Variants in DLG2 observed in about 807,000 individuals in gnomAD.
DLG2 encodes disks large homolog 2.
DLG2 carries 45 observed loss-of-function variants against 132.5 expected under a neutral mutation model. The ratio of observed to expected loss-of-function variants is 0.34; its 90% CI spans 0.27 to 0.44. DLG2 has a LOEUF of 0.44. DLG2 is among the 20% of genes least tolerant of loss of function. The pLI, the probability that DLG2 is intolerant of heterozygous loss-of-function variation, is 1.00. For missense variants in DLG2, 1,045 were observed against 1,196.9 expected (o/e 0.87, Z 1.87); for synonymous variants, 424 against 419.6 (o/e 1.01, Z -0.13).
chr11:85,020,042 C>T (rs567663261), intron 6 of DLG2, among the ~76,000 whole-genome samples: 6 of 152,302 alleles, frequency 3.9e-5, no homozygotes, highest in African/African-American at 1.2e-4. Flanking sequence ...GGAATCGCCA[C>T]GCTGTCTTCC....
At chr11:84,081,020 T>C (rs2096895113) in intron 10 of DLG2, among the ~76,000 whole-genome samples, 1 of 151,566 alleles carries the variant, frequency 6.6e-6, no homozygotes, top group Non-Finnish European at 1.5e-5. Flanking sequence ...CATTTTTGCT[T>C]CTTTTTTTTC....
chr11:85,224,438 G>T (rs2074853085), intron 4 of DLG2, among the ~76,000 whole-genome samples: 1 of 152,154 alleles, frequency 6.6e-6, no homozygotes, highest in Non-Finnish European at 1.5e-5. Flanking sequence ...TGCCATTGAG[G>T]TGTAGGGGAC....
chr11:85,355,424 A>G (rs1316183541), intron 3 of DLG2, among the ~76,000 whole-genome samples: 1 of 151,998 alleles, frequency 6.6e-6, no homozygotes, highest in Non-Finnish European at 1.5e-5. Flanking sequence ...AATCAAACAT[A>G]CTCCCTGTGA....
intron 18 of DLG2, among the ~76,000 whole-genome samples, chr11:83,729,454 C>T (rs2090592780): frequency 6.6e-6 from 1 of 152,178 alleles, no homozygotes; most frequent in Non-Finnish European, 1.5e-5. Context: ...TCCAAGCTTC[C>T]TCAGGTTAAT....
At chr11:83,566,712 GGTGTGTGTGTGTGT>G (rs59829516) in intron 19 of DLG2, among the ~76,000 whole-genome samples, 26 of 143,952 alleles carry the variant, frequency 1.8e-4, no homozygotes, top group African/African-American at 2.5e-4. Context: ...CAGAGGGCAT[GGTGTGTGTGTGTGT>G]GTGTGTGTGT....
chr11:84,292,961 T>C (rs1330174932), intron 7 of DLG2, among the ~76,000 whole-genome samples: 2 of 152,220 alleles, frequency 1.3e-5, no homozygotes, highest in African/African-American at 2.4e-5. Flanking sequence ...TAAGAAAGTT[T>C]ACAAATATGT....
At position 84,606,080 on chromosome 11, in the gene DLG2, A is replaced by T. The variant is rs548568637; in HGVS notation, c.358-71349T>A. ...TAGCTATACAAAAGCCACCTTTAGC[A>T]TGGTAGCTGGAAGACAGTAGCTACT... is the stretch of plus-strand genomic sequence containing the variant. On this transcript the variant is annotated intron_variant, in intron 6 of 27. Coordinates refer to ENST00000376104, the MANE Select transcript of DLG2 (RefSeq NM_001142699.3). Among the ~76,000 whole-genome samples the T allele has an allele frequency of 2.6e-5, 4 of 152,220 alleles. No individual in the cohort carries two copies. In the East Asian group the frequency reaches 7.7e-4, roughly 29 times the overall value.
intron 6 of DLG2, among the ~76,000 whole-genome samples, chr11:84,639,472 T>C (rs994408314): frequency 2.6e-5 from 4 of 151,958 alleles, no homozygotes; most frequent in African/African-American, 7.3e-5. Context: ...TCTTATAACA[T>C]TGACAGTTCT....
intron 6 of DLG2, among the ~76,000 whole-genome samples, chr11:84,862,011 G>T (rs994656772): frequency 3.2e-5 from 4 of 123,132 alleles, no homozygotes; most frequent in African/African-American, 1.2e-4. Flanking sequence ...ACAGGAAAGG[G>T]AACATCACAC....
intron 7 of DLG2, among the ~76,000 whole-genome samples, chr11:84,323,767 G>A (rs934257399): frequency 1.4e-5 from 2 of 146,222 alleles, no homozygotes; most frequent in African/African-American, 5.1e-5. Context: ...ACAGGTGTGA[G>A]GTGATACCTC....
chr11:83,935,311 G>A (rs190699547), intron 14 of DLG2, among the ~76,000 whole-genome samples: 110 of 152,288 alleles, frequency 7.2e-4, no homozygotes, highest in South Asian at 1.2e-3. Flanking sequence ...AAGTATAAGA[G>A]GATTGAATTC....
At chr11:85,489,950 G>C (rs971274138) in intron 3 of DLG2, among the ~76,000 whole-genome samples, 8 of 152,110 alleles carry the variant, frequency 5.3e-5, no homozygotes, top group African/African-American at 1.9e-4. Context: ...CACTTTGGGA[G>C]ACCAAGCTAT....
intron 18 of DLG2, among the ~76,000 whole-genome samples, chr11:83,637,274 A>G (rs1471294816): frequency 6.6e-6 from 1 of 152,180 alleles, no homozygotes; most frequent in Non-Finnish European, 1.5e-5. Flanking sequence ...GTCCCTTTGG[A>G]ACATTTTTCA....
At chr11:84,940,111 A>T (rs963210870) in intron 6 of DLG2, among the ~76,000 whole-genome samples, 1 of 152,180 alleles carries the variant, frequency 6.6e-6, no homozygotes, top group Non-Finnish European at 1.5e-5. Flanking sequence ...TTTGGATAAA[A>T]GCCATTTTTA....
chr11:85,559,507 T>C lies in DLG2; in HGVS notation c.40+39150A>G, dbSNP rs573459220. On this transcript the variant is annotated intron_variant, in intron 3 of 27. Transcript: ENST00000376104. ...AGATCAGAAAGCAAACCGAAAACAG[T>C]ATCTCACTTCAAAACCATTAATTTA... 1.0e-3 allele frequency among the ~76,000 whole-genome samples: 153 copies of C among 151,670 alleles called. 6 individuals carry two copies. In the South Asian group the frequency reaches 0.03, roughly 30 times the overall value.
intron 7 of DLG2, among the ~76,000 whole-genome samples, chr11:84,324,650 T>C (rs1715634154): frequency 6.6e-6 from 1 of 152,148 alleles, no homozygotes; most frequent in South Asian, 2.1e-4. Flanking sequence ...TTTAACAATA[T>C]TATCTTTCAA....
intron 6 of DLG2, among the ~76,000 whole-genome samples, chr11:84,643,714 G>A (rs1200963651): frequency 6.6e-6 from 1 of 152,264 alleles, no homozygotes; most frequent in East Asian, 1.9e-4. Context: ...CAGAAGAATA[G>A]GTGTATAGGG....
intron 15 of DLG2, among the ~76,000 whole-genome samples, chr11:83,894,546 T>C (rs1046565694): frequency 1.3e-5 from 2 of 152,206 alleles, no homozygotes; most frequent in African/African-American, 4.8e-5. Flanking sequence ...GTACATATTT[T>C]TGGGTACAGG....
intron 6 of DLG2, among the ~76,000 whole-genome samples, chr11:85,030,316 A>G (rs1039602645): frequency 2.0e-5 from 3 of 152,174 alleles, no homozygotes. Context: ...TCCACTGACT[A>G]TTGACTCTTT....
Sources: allele counts gnomAD v4.1 joint callset (sites outside exome capture counted in the v4.1 genomes callset), GRCh38; gene constraint gnomAD v4.1.1; transcripts MANE v1.5; gene names NCBI Gene and HGNC (gene_info 2026-07-23, HGNC 2026-07-21).